ADAMTS16: variants seen among roughly 807,000 people sequenced by gnomAD.
The protein encoded by ADAMTS16 is ADAM metallopeptidase with thrombospondin type 1 motif 16, also known as A disintegrin and metalloproteinase with thrombospondin motifs 16.
In ADAMTS16, 94 loss-of-function variants were observed where a neutral mutation model predicts 145.8. That is an observed-to-expected ratio of 0.64 (90% CI 0.55 to 0.77). ADAMTS16 has a LOEUF of 0.77. Ranked by LOEUF, ADAMTS16 falls within the 30% of genes least tolerant of loss-of-function variation. ADAMTS16 has a pLI of 0.00. For synonymous variants in ADAMTS16, 659 were observed against 604.3 expected (o/e 1.09, Z -1.33); for missense variants, 1,585 against 1,591.5 (o/e 1.00, Z 0.07).
rs1560945926 is a variant in ADAMTS16, at chr5:5,200,207, A to G, written c.1389A>G (p.Ala463=). The part of the protein sequence containing the change: ...SEGNIMSPTL[A]GRNGVFSWSP... ...GCAACATCATGTCCCCTACATTGGCAGGACGCAATGGAGTCTTCTCCTGGT... is the reference window on the plus strand; with the variant it reads ...GCAACATCATGTCCCCTACATTGGCGGGACGCAATGGAGTCTTCTCCTGGT... The change falls in exon 9 of 23, where the codon GCA becomes GCG. Residue 463 remains alanine (A), a synonymous_variant. Transcript: ENST00000274181. The G allele has an allele frequency of 6.2e-7, 1 of 1,614,124 alleles. No individual in the cohort carries two copies. Among genetic ancestry groups the G allele is most frequent in the East Asian group, 2.2e-5 (1 of 44,876 alleles).
chr5:5,204,208 A>C (rs1736030743), intron 9 of ADAMTS16, among the ~76,000 whole-genome samples: 1 of 152,176 alleles, frequency 6.6e-6, no homozygotes, highest in Non-Finnish European at 1.5e-5. Context: ...GGATATAACT[A>C]AAAGATCTCT....
chr5:5,151,544 T>C (rs1184750271), intron 3 of ADAMTS16, among the ~76,000 whole-genome samples: 2 of 152,098 alleles, frequency 1.3e-5, no homozygotes, highest in Non-Finnish European at 2.9e-5. Context: ...GGCCCATTTT[T>C]ATTTTTAATG....
At chr5:5,287,677 G>A (rs910945877) in intron 18 of ADAMTS16, among the ~76,000 whole-genome samples, 1 of 152,146 alleles carries the variant, frequency 6.6e-6, no homozygotes, top group African/African-American at 2.4e-5. Context: ...TTGATTTCAC[G>A]GACGGTGTCA....
At chr5:5,197,292 A>G (rs919289677) in intron 8 of ADAMTS16, among the ~76,000 whole-genome samples, 6 of 152,242 alleles carry the variant, frequency 3.9e-5, no homozygotes, top group African/African-American at 1.4e-4. Context: ...TAGTAATTGA[A>G]TCACTCAAAA....
intron 8 of ADAMTS16, among the ~76,000 whole-genome samples, chr5:5,196,490 C>G (rs1348040699): frequency 1.3e-5 from 2 of 152,170 alleles, no homozygotes; most frequent in East Asian, 1.9e-4. Flanking sequence ...TAACCATCAT[C>G]TGGACTGGGG....
At chr5:5,171,914 G>A (rs377763926) in intron 3 of ADAMTS16, among the ~76,000 whole-genome samples, 12 of 152,052 alleles carry the variant, frequency 7.9e-5, no homozygotes, top group African/African-American at 2.9e-4. Context: ...TTCTTCCCTA[G>A]GAGATTTTTA....
intron 18 of ADAMTS16, among the ~76,000 whole-genome samples, chr5:5,277,008 A>G (rs945651920): frequency 6.6e-6 from 1 of 152,232 alleles, no homozygotes; most frequent in Non-Finnish European, 1.5e-5. Context: ...ACATGGCGAA[A>G]CATTGCAGTC....
At chr5:5,307,168 C>T (rs141199000) in intron 21 of ADAMTS16, among the ~76,000 whole-genome samples, 2 of 152,058 alleles carry the variant, frequency 1.3e-5, no homozygotes, top group South Asian at 2.1e-4. Context: ...GTTCCTTCCT[C>T]GGGGTCTTTG....
intron 9 of ADAMTS16, among the ~76,000 whole-genome samples, chr5:5,200,890 T>C (rs1735935620): frequency 6.6e-6 from 1 of 152,160 alleles, no homozygotes; most frequent in East Asian, 1.9e-4. Flanking sequence ...GGAGGTAGGG[T>C]TTGATCCTTG....
intron 18 of ADAMTS16, among the ~76,000 whole-genome samples, chr5:5,280,397 T>G (rs750976945): frequency 4.6e-5 from 7 of 152,250 alleles, no homozygotes; most frequent in Non-Finnish European, 8.8e-5. Flanking sequence ...ATTATTACAA[T>G]GAACATCTTA....
intron 21 of ADAMTS16, among the ~76,000 whole-genome samples, chr5:5,313,006 C>T (rs888370993): frequency 2.0e-5 from 3 of 152,236 alleles, no homozygotes; most frequent in Non-Finnish European, 4.4e-5. Flanking sequence ...AAGTGGAAAA[C>T]AAGCTTTATC....
chr5:5,218,983 G>C (rs928093729), intron 10 of ADAMTS16, among the ~76,000 whole-genome samples: 1 of 152,104 alleles, frequency 6.6e-6, no homozygotes, highest in Non-Finnish European at 1.5e-5. Context: ...AGGTTTCCAC[G>C]GGCACAGGAT....
intron 3 of ADAMTS16, among the ~76,000 whole-genome samples, chr5:5,180,320 T>G (rs1169157425): frequency 6.6e-6 from 1 of 152,194 alleles, no homozygotes; most frequent in Non-Finnish European, 1.5e-5. Context: ...AATGATACCC[T>G]GATGTTCTGC....
intron 10 of ADAMTS16, among the ~76,000 whole-genome samples, chr5:5,209,585 G>A (rs149607114): frequency 6.6e-5 from 10 of 152,192 alleles, no homozygotes; most frequent in African/African-American, 1.4e-4. Context: ...TTAAAAAAAC[G>A]AAGTCCCCCT....
chr5:5,184,048 C>T (rs1017588342), intron 4 of ADAMTS16, among the ~76,000 whole-genome samples: 3 of 152,230 alleles, frequency 2.0e-5, no homozygotes, highest in African/African-American at 7.2e-5. Flanking sequence ...GATAGTACTA[C>T]ACTCCTGGGC....
chr5:5,188,803 A>AT (rs1285037367), intron 6 of ADAMTS16, among the ~76,000 whole-genome samples: 1 of 152,136 alleles, frequency 6.6e-6, no homozygotes, highest in South Asian at 2.1e-4. Context: ...ATACAACCTC[A>AT]TTGTCTTTTG....
intron 17 of ADAMTS16, among the ~76,000 whole-genome samples, chr5:5,246,021 C>T (rs570469963): frequency 1.3e-5 from 2 of 152,334 alleles, no homozygotes; most frequent in Admixed American, 6.5e-5. Context: ...ACCAGTTTAT[C>T]TTATTGTGTC....
rs190783567 is a variant in ADAMTS16, at chr5:5,317,748, C to T, written c.3412-386C>T. 1.3e-5 allele frequency among the ~76,000 whole-genome samples: 2 copies of T among 152,106 alleles called. No homozygotes were observed. Among genetic ancestry groups the T allele is most frequent in the African/African-American group, 2.4e-5 (1 of 41,406 alleles). ...ACTCAGCCCCCACAAAGCCCAAGCC[C>T]GGGAACCGTCTGTTGAGACTATAGA... On this transcript the variant is annotated intron_variant, in intron 21 of 22. Coordinates refer to ENST00000274181, the MANE Select transcript of ADAMTS16 (RefSeq NM_139056.4). The surrounding 1 kb of genome is among the most constrained non-coding windows in gnomAD (Gnocchi z 4.5).
intron 3 of ADAMTS16, among the ~76,000 whole-genome samples, chr5:5,174,365 T>A (rs903460992): frequency 1.3e-5 from 2 of 151,710 alleles, no homozygotes; most frequent in African/African-American, 4.9e-5. Flanking sequence ...CTCTTGTTGC[T>A]TTTAGGATTT....
Sources: allele counts gnomAD v4.1 joint callset (sites outside exome capture counted in the v4.1 genomes callset), GRCh38; gene constraint gnomAD v4.1.1; non-coding constraint Gnocchi (gnomAD v3.1); transcripts MANE v1.5; gene names NCBI Gene and HGNC (gene_info 2026-07-23, HGNC 2026-07-21).